Variants in CYFIP2 observed in about 807,000 individuals in gnomAD.
CYFIP2 encodes the protein cytoplasmic FMR1 interacting protein 2.
In CYFIP2, 29 loss-of-function variants were observed where a neutral mutation model predicts 158.7. The observed-to-expected ratio is 0.18, with a 90% CI of 0.14 to 0.25. The LOEUF is 0.25. CYFIP2 is among the 10% of genes least tolerant of loss of function. CYFIP2 has a pLI of 1.00. For missense variants in CYFIP2, 852 were observed against 1,639.5 expected (o/e 0.52, Z 8.29); for synonymous variants, 585 against 617.6 (o/e 0.95, Z 0.78).
At chr5:157,371,200 A>G (rs1167457635) in intron 26 of CYFIP2, among the ~76,000 whole-genome samples, 1 of 152,154 alleles carries the variant, frequency 6.6e-6, no homozygotes, top group Non-Finnish European at 1.5e-5. Context: ...AGTATGCGGG[A>G]AACACATTAT....
chr5:157,322,728 G>T (rs748407884), intron 15 of CYFIP2, among the ~76,000 whole-genome samples: 4 of 152,232 alleles, frequency 2.6e-5, no homozygotes, highest in Non-Finnish European at 5.9e-5. Context: ...CATGTGATGG[G>T]GGAGATCCCA....
chr5:157,374,847 C>A (rs910814651), intron 26 of CYFIP2, among the ~76,000 whole-genome samples: 3 of 152,216 alleles, frequency 2.0e-5, no homozygotes, highest in African/African-American at 7.2e-5. Context: ...ACATTCCAGT[C>A]ACTTGTAATA....
At chr5:157,345,104 A>G (rs1376791674) in intron 23 of CYFIP2, among the ~76,000 whole-genome samples, 3 of 152,210 alleles carry the variant, frequency 2.0e-5, no homozygotes, top group African/African-American at 7.2e-5. Context: ...AGGAGACCGA[A>G]TGTTTATGTT....
At chr5:157,293,827 A>T (rs1758031444) in intron 3 of CYFIP2, among the ~76,000 whole-genome samples, 1 of 152,234 alleles carries the variant, frequency 6.6e-6, no homozygotes. Context: ...AAAGGCTTGG[A>T]GGTTAGACTT....
At chr5:157,335,711 C>T (rs910712185) in intron 21 of CYFIP2, among the ~76,000 whole-genome samples, 4 of 152,170 alleles carry the variant, frequency 2.6e-5, no homozygotes, top group Admixed American at 2.6e-4. Context: ...GTACAGCACA[C>T]ATTTTTCTGA....
intron 1 of CYFIP2, among the ~76,000 whole-genome samples, chr5:157,280,699 A>G (rs1344695143): frequency 6.6e-6 from 1 of 152,120 alleles, no homozygotes; most frequent in Non-Finnish European, 1.5e-5. Context: ...TATGTGTCAC[A>G]CACAATCTAT....
rs137855124 is a variant in CYFIP2 at position 157,325,708 on chromosome 5, C to T, written c.1982+70C>T. 8.9e-5 allele frequency: 130 copies of T among 1,467,184 alleles called. No individual in the cohort carries two copies. In the African/African-American group the frequency reaches 1.4e-3, roughly 16 times the overall value. The allele number at this position is 1,467,184 out of a possible 1,614,324, so 90.9% of individuals were successfully genotyped here. On this transcript the variant is annotated intron_variant, in intron 17 of 30. Transcript: ENST00000620254. ...TAGAGGGCAGTTTGCCAGGGAGATC[C>T]GTTCTTTCCAGAAGGAAGCACTGAG...
intron 30 of CYFIP2, among the ~76,000 whole-genome samples, chr5:157,391,987 TTTTGA>T (rs1767342687): frequency 1.3e-5 from 2 of 152,192 alleles, no homozygotes; most frequent in African/African-American, 4.8e-5. Context: ...CTTGTTGTGA[TTTTGA>T]TTTGAATTTC....
intron 14 of CYFIP2, 66 bp downstream of exon 14, chr5:157,319,994 T>A (rs1760462066): frequency 1.3e-6 from 2 of 1,563,718 alleles, no homozygotes; most frequent in Non-Finnish European, 8.7e-7. Flanking sequence ...TCAGAGAGGA[T>A]GTCCTGGCTC....
At chr5:157,288,490 C>T in intron 3 of CYFIP2, 1 of 415,288 alleles carries the variant, frequency 2.4e-6, no homozygotes. Flanking sequence ...GGCTGGTGCC[C>T]TCAGAGGACT....
At chr5:157,389,977 G>A (rs1033801074) in intron 29 of CYFIP2, among the ~76,000 whole-genome samples, 2 of 152,172 alleles carry the variant, frequency 1.3e-5, no homozygotes, top group African/African-American at 4.8e-5. Flanking sequence ...AATTGCCTAG[G>A]TCTCTTGAGA....
intron 23 of CYFIP2, among the ~76,000 whole-genome samples, chr5:157,355,490 A>G (rs1471481245): frequency 6.6e-6 from 1 of 152,168 alleles, no homozygotes; most frequent in East Asian, 1.9e-4. Context: ...TATCATCTCT[A>G]CTTAGGGGAA....
intron 23 of CYFIP2, among the ~76,000 whole-genome samples, chr5:157,354,586 G>A (rs1763288330): frequency 1.3e-5 from 2 of 151,770 alleles, no homozygotes; most frequent in South Asian, 2.1e-4. Context: ...GGGTCGGGGG[G>A]GATTTTTTTT....
intron 11 of CYFIP2, among the ~76,000 whole-genome samples, chr5:157,312,561 G>A (rs1045452075): frequency 6.6e-6 from 1 of 152,108 alleles, no homozygotes; most frequent in Non-Finnish European, 1.5e-5. Context: ...CATAGCACTC[G>A]TGGGTGACTG....
At chr5:157,296,038 G>C (rs375327496) in intron 4 of CYFIP2, among the ~76,000 whole-genome samples, 1 of 152,232 alleles carries the variant, frequency 6.6e-6, no homozygotes, top group African/African-American at 2.4e-5. Context: ...AGTGCGGACA[G>C]GGGAAAGACT....
At chr5:157,342,124 G>A (rs1277861950) in intron 23 of CYFIP2, 1 of 152,634 alleles carries the variant, frequency 6.6e-6, no homozygotes, top group Non-Finnish European at 1.5e-5. Flanking sequence ...ATCACTGGCA[G>A]GCAATAGAAG....
intron 26 of CYFIP2, chr5:157,376,847 C>T: frequency 2.2e-6 from 1 of 456,342 alleles, no homozygotes; most frequent in Non-Finnish European, 4.4e-6. Context: ...TCTGCAGGGC[C>T]TAGGCCTCAC....
intron 5 of CYFIP2, among the ~76,000 whole-genome samples, chr5:157,297,042 G>A (rs938494030): frequency 3.3e-5 from 5 of 152,226 alleles, no homozygotes; most frequent in African/African-American, 1.2e-4. Flanking sequence ...AATAAGTGCT[G>A]TGAGTAAAAT....
At chr5:157,342,839 T>C (rs1167219858) in intron 23 of CYFIP2, 1 of 1,591,408 alleles carries the variant, frequency 6.3e-7, no homozygotes, top group Non-Finnish European at 8.6e-7. Context: ...GGCTACATGA[T>C]GCGGGCGCTC....
Sources: allele counts gnomAD v4.1 joint callset (sites outside exome capture counted in the v4.1 genomes callset), GRCh38; gene constraint gnomAD v4.1.1; transcripts MANE v1.5; gene names NCBI Gene and HGNC (gene_info 2026-07-23, HGNC 2026-07-21).